PDE3A: variants seen among roughly 807,000 people sequenced by gnomAD.
PDE3A encodes the protein phosphodiesterase 3A, also known as cGMP-inhibited 3',5'-cyclic phosphodiesterase 3A.
A neutral mutation model predicts 98.3 loss-of-function variants in PDE3A; 43 were observed. The ratio of observed to expected loss-of-function variants is 0.44; its 90% CI spans 0.34 to 0.56. PDE3A has a LOEUF of 0.56. Ranked by LOEUF, PDE3A falls within the 20% of genes least tolerant of loss-of-function variation. The probability of loss-of-function intolerance (pLI) is 0.01; values close to 1 mark genes in which losing one functional copy is unlikely to be tolerated. For synonymous variants in PDE3A, 663 were observed against 567.9 expected, an observed-to-expected ratio of 1.17 and a Z score of -2.38; for missense variants, 1,427 against 1,440.7, an observed-to-expected ratio of 0.99 and a Z score of 0.15.
At chr12:20,509,922 AATGTAATGTTT>A (rs1353859127) in intron 1 of PDE3A, among the ~76,000 whole-genome samples, 1 of 151,992 alleles carries the variant, frequency 6.6e-6, no homozygotes, top group Non-Finnish European at 1.5e-5. Flanking sequence ...CGAAGCTGAA[AATGTAATGTTT>A]TTTAGCCATT....
At chr12:20,654,752 T>A (rs758006958) in intron 15 of PDE3A, among the ~76,000 whole-genome samples, 7 of 150,436 alleles carry the variant, frequency 4.7e-5, no homozygotes, top group African/African-American at 9.8e-5. Flanking sequence ...GACCTTGTGA[T>A]CTGCCTGCCT....
chr12:20,627,054 A>C (rs1405058706), intron 5 of PDE3A, among the ~76,000 whole-genome samples: 1 of 151,862 alleles, frequency 6.6e-6, no homozygotes, highest in East Asian at 1.9e-4. Context: ...GCAATGAAAA[A>C]ATCACTCTTC....
chr12:20,427,081 A>G lies in PDE3A; in HGVS notation c.960+56837A>G, dbSNP rs191521707. On this transcript the variant is annotated intron_variant, in intron 1 of 15. Transcript: ENST00000359062. The stretch of plus-strand genomic sequence containing the variant: ...GGAACATTGGATGAAGAAGGGACAC[A>G]GGGTAATGTTATTTTCCCAAATTTC... Among the ~76,000 whole-genome samples, 5 of 152,238 alleles carry G rather than the reference A, an allele frequency of 3.3e-5. No homozygotes were observed. In the East Asian group the frequency reaches 9.6e-4, roughly 29 times the overall value.
intron 1 of PDE3A, among the ~76,000 whole-genome samples, chr12:20,377,366 G>A (rs781015973): frequency 2.0e-5 from 3 of 151,768 alleles, no homozygotes; most frequent in Non-Finnish European, 2.9e-5. Flanking sequence ...ATGTCAACAT[G>A]TAATCGGTGT....
intron 2 of PDE3A, among the ~76,000 whole-genome samples, chr12:20,580,824 AAC>A (rs1943044751): frequency 6.6e-6 from 1 of 152,216 alleles, no homozygotes; most frequent in African/African-American, 2.4e-5. Context: ...TGTCCTAACA[AAC>A]ACGCAAATAT....
intron 5 of PDE3A, among the ~76,000 whole-genome samples, chr12:20,624,680 A>G (rs1944216813): frequency 6.6e-6 from 1 of 152,366 alleles, no homozygotes; most frequent in Admixed American, 6.5e-5. Flanking sequence ...TATCCCAGGC[A>G]TGCTGAATCC....
At chr12:20,674,468 T>C (rs1444530176) in intron 15 of PDE3A, among the ~76,000 whole-genome samples, 2 of 152,178 alleles carry the variant, frequency 1.3e-5, no homozygotes, top group Non-Finnish European at 2.9e-5. Context: ...GGCATGTTCC[T>C]TCCTAGTATT....
At chr12:20,618,577 A>G (rs976718758) in intron 4 of PDE3A, among the ~76,000 whole-genome samples, 2 of 152,120 alleles carry the variant, frequency 1.3e-5, no homozygotes, top group East Asian at 3.9e-4. Flanking sequence ...CCTACCAACC[A>G]CTCAGAAATG....
intron 15 of PDE3A, among the ~76,000 whole-genome samples, chr12:20,672,211 T>C (rs1945501716): frequency 6.8e-6 from 1 of 148,020 alleles, no homozygotes; most frequent in Admixed American, 6.7e-5. Context: ...TAAAAACAAA[T>C]GGAAGAACAT....
intron 13 of PDE3A, 118 bp downstream of exon 13, chr12:20,649,009 T>C (rs939380337): frequency 2.2e-4 from 141 of 640,916 alleles, no homozygotes; most frequent in Non-Finnish European, 3.3e-4. Flanking sequence ...CACTGCAGCC[T>C]CTGCCTCCTG....
At chr12:20,378,103 G>A (rs570032471) in intron 1 of PDE3A, among the ~76,000 whole-genome samples, 80 of 151,818 alleles carry the variant, frequency 5.3e-4, no homozygotes, top group African/African-American at 1.9e-3. Context: ...CACTTTCATG[G>A]AAACACAATG....
At chr12:20,417,443 C>T (rs911280885) in intron 1 of PDE3A, among the ~76,000 whole-genome samples, 7 of 152,200 alleles carry the variant, frequency 4.6e-5, no homozygotes, top group African/African-American at 7.2e-5. Context: ...ACCATAGCCT[C>T]GAGAGGTAAA....
chr12:20,672,757 C>A (rs867632464), intron 15 of PDE3A, among the ~76,000 whole-genome samples: 20 of 132,116 alleles, frequency 1.5e-4, no homozygotes, highest in African/African-American at 4.4e-4. Context: ...TAGAAGAAAA[C>A]CTAGGCATTA....
chr12:20,589,709 A>T (rs912707128), intron 2 of PDE3A, among the ~76,000 whole-genome samples: 1 of 151,778 alleles, frequency 6.6e-6, no homozygotes, highest in Non-Finnish European at 1.5e-5. Flanking sequence ...TCCACTAAAA[A>T]CACAAAAAAA....
chr12:20,504,876 C>A (rs1414449292), intron 1 of PDE3A, among the ~76,000 whole-genome samples: 1 of 152,048 alleles, frequency 6.6e-6, no homozygotes, highest in African/African-American at 2.4e-5. Context: ...TTAATCGCAT[C>A]TGCAAAGTAA....
chr12:20,619,857 T>C (rs964652973), intron 4 of PDE3A, among the ~76,000 whole-genome samples: 8 of 151,418 alleles, frequency 5.3e-5, no homozygotes, highest in Non-Finnish European at 8.9e-5. Flanking sequence ...CTCTCTGAAA[T>C]GGAAAAAAAA....
chr12:20,678,980 A>G (rs1045455108), intron 15 of PDE3A, among the ~76,000 whole-genome samples: 1 of 152,152 alleles, frequency 6.6e-6, no homozygotes, highest in African/African-American at 2.4e-5. Context: ...AAGAAAAAGG[A>G]AAAAATAAAA....
chr12:20,451,958 T>G (rs1945072955), intron 1 of PDE3A, among the ~76,000 whole-genome samples: 1 of 152,222 alleles, frequency 6.6e-6, no homozygotes, highest in Non-Finnish European at 1.5e-5. Context: ...CCTGACTCAC[T>G]GGCTCTTCAT....
In PDE3A at chr12:20,667,292, G is replaced by A. The variant is rs770324375; in HGVS notation, c.3185-12738G>A. Among the ~76,000 whole-genome samples the A allele has an allele frequency of 2.2e-4, 34 of 152,148 alleles. No individual in the cohort carries two copies. In the Middle Eastern group the frequency reaches 0.02, roughly 91 times the overall value. Reference sequence around the variant, plus strand: ...TTTCGTTTTTAGTTTAGTCCCATTTGTCTGTATTTGTTTTTGTTGCCTGGG... The same window carrying A: ...TTTCGTTTTTAGTTTAGTCCCATTTATCTGTATTTGTTTTTGTTGCCTGGG... On this transcript the variant is annotated intron_variant, in intron 15 of 15. Transcript: ENST00000359062.
Sources: gnomAD v4.1 joint callset for allele counts (sites outside exome capture counted in the v4.1 genomes callset) on GRCh38, gnomAD v4.1.1 for gene constraint, MANE v1.5 for transcripts, NCBI Gene and HGNC (gene_info 2026-07-23, HGNC 2026-07-21) for gene names.